Variants in SLC13A3 observed in about 807,000 individuals in gnomAD.
SLC13A3 encodes the protein Na(+)/dicarboxylate cotransporter 3.
Under a neutral mutation model 59.0 loss-of-function variants are expected in SLC13A3, and 40 were observed. The ratio of observed to expected loss-of-function variants is 0.68; its 90% confidence interval spans 0.53 to 0.88. SLC13A3 has a LOEUF of 0.88. SLC13A3 is among the 40% of genes least tolerant of loss of function. The pLI, the probability that SLC13A3 is intolerant of heterozygous loss-of-function variation, is 0.00. For synonymous variants in SLC13A3, 317 were observed against 330.3 expected (o/e 0.96, Z 0.44); for missense variants, 699 against 783.2 (o/e 0.89, Z 1.28).
chr20:46,663,183 C>A (rs2063041750), intron 1 of SLC13A3, among the ~76,000 whole-genome samples: 1 of 151,962 alleles, frequency 6.6e-6, no homozygotes, highest in East Asian at 1.9e-4. Context: ...GTGGCTCACA[C>A]CTGTAATTTC....
rs533558646 is a variant in SLC13A3 at position 46,648,915 on chromosome 20, T to TCACA, written c.111+2392_111+2395dup. ...GCAAGACCCTATCTCTCTCTCTCTC[T>TCACA]CACACACACACACACACACACACAC... On this transcript the variant is annotated intron_variant, in intron 1 of 12. Transcript: ENST00000279027. Among the ~76,000 whole-genome samples, 152 of 145,364 alleles carry TCACA rather than the reference T, an allele frequency of 1.0e-3. 1 individual carries two copies. In the East Asian group the frequency reaches 0.019, roughly 19 times the overall value.
intron 1 of SLC13A3, among the ~76,000 whole-genome samples, chr20:46,630,739 T>C (rs952703109): frequency 1.3e-5 from 2 of 152,262 alleles, no homozygotes; most frequent in African/African-American, 4.8e-5. Context: ...CTTTTGCATA[T>C]CTGTATTTTC....
chr20:46,626,794 A>T (rs1052183454), intron 1 of SLC13A3, among the ~76,000 whole-genome samples: 3 of 134,188 alleles, frequency 2.2e-5, no homozygotes, highest in African/African-American at 8.3e-5. Flanking sequence ...GAGGCCTGTA[A>T]AATGCTAAGT....
At chr20:46,627,724 G>A (rs919292976) in intron 1 of SLC13A3, among the ~76,000 whole-genome samples, 1 of 152,026 alleles carries the variant, frequency 6.6e-6, no homozygotes, top group African/African-American at 2.4e-5. Flanking sequence ...GGACCCCTGC[G>A]GTAATTAATG....
chr20:46,632,637 A>C (rs944234194), intron 1 of SLC13A3, among the ~76,000 whole-genome samples: 1 of 152,184 alleles, frequency 6.6e-6, no homozygotes, highest in African/African-American at 2.4e-5. Context: ...TAGCTTCCAG[A>C]GCAGATGACT....
At chr20:46,565,054 C>T (rs1300549160) in intron 11 of SLC13A3, among the ~76,000 whole-genome samples, 3 of 152,128 alleles carry the variant, frequency 2.0e-5, no homozygotes, top group South Asian at 2.1e-4. Context: ...ATTTTATCAG[C>T]GTGGGTTACA....
intron 1 of SLC13A3, among the ~76,000 whole-genome samples, chr20:46,675,429 A>T: frequency 7.8e-6 from 1 of 128,300 alleles, no homozygotes. Context: ...TTTTTTCAGT[A>T]GAGACAAGGT....
intron 5 of SLC13A3, among the ~76,000 whole-genome samples, chr20:46,594,711 T>TTGGTGAAA (rs145860527): frequency 0.022 from 3,413 of 152,130 alleles, 142 homozygotes; most frequent in African/African-American, 0.077. Context: ...CTTAAATCAA[T>TTGGTGAAA]TGGTGAAATA....
At position 46,613,466 on chromosome 20, in the gene SLC13A3, G is replaced by A. The variant is rs755899645; in HGVS notation, c.371C>T (p.Pro124Leu). ...LKILMLVGVQ[P>L]ARLILGMMVT... ...AACCATTACCTGTTCTTACCTGGCC[G>A]GCTGGACTCCAACAAGCATCAGGAT... is the stretch of plus-strand genomic sequence containing the variant. The change falls in exon 2 of 13, where the codon CCG becomes CTG. Residue 124 changes from proline to leucine, a missense_variant. Coordinates refer to ENST00000279027, the MANE Select transcript of SLC13A3 (RefSeq NM_022829.6). 25 of 1,588,508 alleles carry A rather than the reference G, an allele frequency of 1.6e-5. No individual in the cohort carries two copies. Among genetic ancestry groups the A allele is most frequent in the South Asian group, 3.5e-5 (3 of 85,886 alleles).
chr20:46,595,889 T>G (rs547940789), intron 5 of SLC13A3, among the ~76,000 whole-genome samples: 29 of 151,876 alleles, frequency 1.9e-4, no homozygotes, highest in African/African-American at 6.7e-4. Context: ...CTCTCCTCAC[T>G]TCTACCCTCT....
At chr20:46,577,309 A>G (rs2062089555) in intron 9 of SLC13A3, among the ~76,000 whole-genome samples, 1 of 152,210 alleles carries the variant, frequency 6.6e-6, no homozygotes, top group Non-Finnish European at 1.5e-5. Context: ...CCACAGGTGC[A>G]TGCAGCCCAT....
upstream of SLC13A3, among the ~76,000 whole-genome samples, chr20:46,652,226 C>T (rs554268158): frequency 3.4e-4 from 51 of 152,124 alleles, no homozygotes; most frequent in Non-Finnish European, 6.5e-4. Flanking sequence ...GCACATGTAC[C>T]CCTGAACTTA....
chr20:46,598,412 C>T (rs2062337120), intron 4 of SLC13A3, among the ~76,000 whole-genome samples: 1 of 152,184 alleles, frequency 6.6e-6, no homozygotes, highest in African/African-American at 2.4e-5. Context: ...TAGAGTTTAT[C>T]TAGAGCAAAC....
chr20:46,632,059 G>C (rs907376844), intron 1 of SLC13A3, among the ~76,000 whole-genome samples: 5 of 152,130 alleles, frequency 3.3e-5, no homozygotes, highest in African/African-American at 1.2e-4. Flanking sequence ...CAGTGACCAG[G>C]CTCTTGGCAG....
intron 1 of SLC13A3, among the ~76,000 whole-genome samples, chr20:46,619,451 T>G (rs847096): frequency 2.6e-5 from 4 of 152,072 alleles, no homozygotes; most frequent in African/African-American, 9.7e-5. Flanking sequence ...ATTTCTCAAC[T>G]TTTGCACTTG....
intron 10 of SLC13A3, among the ~76,000 whole-genome samples, chr20:46,567,196 C>T (rs1282343239): frequency 2.6e-5 from 4 of 151,954 alleles, no homozygotes; most frequent in African/African-American, 4.8e-5. Context: ...TCAAAAGCTA[C>T]ATATATATAT....
At chr20:46,664,815 A>G (rs1378353147) in intron 1 of SLC13A3, among the ~76,000 whole-genome samples, 1 of 152,178 alleles carries the variant, frequency 6.6e-6, no homozygotes, top group African/African-American at 2.4e-5. Flanking sequence ...TGGGTATACA[A>G]AGGAAGCATT....
chr20:46,615,496 A>G (rs1462642981), intron 1 of SLC13A3, among the ~76,000 whole-genome samples: 1 of 152,194 alleles, frequency 6.6e-6, no homozygotes. Flanking sequence ...GACACCGGCC[A>G]CCAGGGCCCA....
At chr20:46,652,704 ATTTT>A (rs922621298), upstream of SLC13A3, among the ~76,000 whole-genome samples, 2 of 149,904 alleles carry the variant, frequency 1.3e-5, no homozygotes, top group African/African-American at 4.9e-5. Flanking sequence ...CGTTATTCTT[ATTTT>A]TTTTTAAGGG....
Sources: allele counts gnomAD v4.1 joint callset (sites outside exome capture counted in the v4.1 genomes callset), GRCh38; gene constraint gnomAD v4.1.1; transcripts MANE v1.5; gene names NCBI Gene and HGNC (gene_info 2026-07-23, HGNC 2026-07-21).